GAPVD1: variants seen among roughly 807,000 people sequenced by gnomAD.
The protein encoded by GAPVD1 is GTPase activating protein and VPS9 domains 1, also known as GTPase-activating protein and VPS9 domain-containing protein 1.
GAPVD1 carries 35 observed loss-of-function variants against 155.5 expected under a neutral mutation model. The observed-to-expected ratio is 0.23, with a 90% confidence interval of 0.17 to 0.30. The LOEUF (loss-of-function observed/expected upper bound fraction) is 0.30. Among genes scored for constraint, GAPVD1 ranks in the 10% least tolerant of loss-of-function variants. GAPVD1 has a pLI of 1.00. For missense variants in GAPVD1, 1,429 were observed against 1,775.7 expected, an observed-to-expected ratio of 0.80 and a Z score of 3.51; for synonymous variants, 636 against 619.7, an observed-to-expected ratio of 1.03 and a Z score of -0.39.
At chr9:125,320,686 C>T (rs1438550962) in intron 9 of GAPVD1, among the ~76,000 whole-genome samples, 1 of 151,890 alleles carries the variant, frequency 6.6e-6, no homozygotes, top group Non-Finnish European at 1.5e-5. Context: ...AGTGCAGTGG[C>T]GCGATCTCGG....
chr9:125,274,834 G>A (rs1835504414), intron 2 of GAPVD1, among the ~76,000 whole-genome samples: 2 of 152,156 alleles, frequency 1.3e-5, no homozygotes, highest in African/African-American at 4.8e-5. Context: ...TCTGGTGTAT[G>A]TGTTTGCAGA....
Position 125,277,841 on chromosome 9 carries a change from A to AT in GAPVD1, c.-150+8864dup, listed in dbSNP as rs949427928. On this transcript the variant is annotated intron_variant, in intron 2 of 27. Coordinates refer to ENST00000297933, the MANE Select transcript of GAPVD1 (RefSeq NM_001282680.3). Reference sequence around the variant, plus strand: ...CATGCCACACCCAGCTAATTTTTAAATTTTTTTATAGAAACAGAGTCTCAC... The same window carrying AT: ...CATGCCACACCCAGCTAATTTTTAAATTTTTTTTATAGAAACAGAGTCTCAC... Among the ~76,000 whole-genome samples, 129 of 151,798 alleles carry AT rather than the reference A, an allele frequency of 8.5e-4. 1 individual carries two copies. Among genetic ancestry groups the AT allele is most frequent in the Middle Eastern group, 6.8e-3 (2 of 294 alleles).
At chr9:125,268,205 CA>C (rs1475718333) in intron 1 of GAPVD1, among the ~76,000 whole-genome samples, 180 of 108,150 alleles carry the variant, frequency 1.7e-3, no homozygotes, top group East Asian at 7.2e-3. Flanking sequence ...CCCCCCCCCC[CA>C]AAAAAAAACC....
In GAPVD1 at chr9:125,356,281, T is replaced by A. The variant is rs116488834; in HGVS notation, c.3971+424T>A. Among the ~76,000 whole-genome samples, 756 of 152,332 alleles carry A rather than the reference T, an allele frequency of 5.0e-3. 9 individuals are homozygous for A. The highest frequency in any genetic ancestry group is 0.017 in the African/African-American group (709 of 41,560). ...CCACAGTTGCCATTTGACATCTGTT[T>A]GAGTCATGGTTTCTGAACCCAGCCC... On this transcript the variant is annotated intron_variant, in intron 25 of 27. Coordinates refer to ENST00000297933, the MANE Select transcript of GAPVD1 (RefSeq NM_001282680.3).
intron 1 of GAPVD1, among the ~76,000 whole-genome samples, chr9:125,266,095 G>C (rs1335600711): frequency 1.3e-5 from 2 of 149,900 alleles, no homozygotes; most frequent in Non-Finnish European, 3.0e-5. Flanking sequence ...GATTATGAAT[G>C]GGAGGTAGTG....
At chr9:125,341,046 C>T in intron 17 of GAPVD1, 131 bp from the exon 18 acceptor site, 1 of 663,964 alleles carries the variant, frequency 1.5e-6, no homozygotes, top group Admixed American at 2.2e-5. Context: ...GATTGTGCTA[C>T]TGCACTCCAG....
At chr9:125,264,057 T>C (rs891352380) in intron 1 of GAPVD1, 1 of 975,128 alleles carries the variant, frequency 1.0e-6, no homozygotes, top group Admixed American at 1.7e-5. Context: ...ACTCCCTCCT[T>C]AAAAAGGAGT....
rs181599184 is a variant in GAPVD1, at chr9:125,344,201, T to A, written c.3046+1902T>A. ...AGGAGGAAATTTCCTAGCAGTCTGT[T>A]CATAATTCTGTGACCCTAACTACTG... On this transcript the variant is annotated intron_variant, in intron 19 of 27. Coordinates refer to ENST00000297933, the MANE Select transcript of GAPVD1 (RefSeq NM_001282680.3). Among the ~76,000 whole-genome samples, 215 of 152,318 alleles carry A rather than the reference T, an allele frequency of 1.4e-3. 2 individuals are homozygous for A. In the South Asian group the frequency reaches 0.025, roughly 18 times the overall value.
intron 2 of GAPVD1, among the ~76,000 whole-genome samples, chr9:125,293,741 GT>G (rs1384929260): frequency 1.4e-5 from 1 of 71,594 alleles, no homozygotes; most frequent in Admixed American, 1.4e-4. Flanking sequence ...TATATTTTAT[GT>G]TTTTATAAAA....
chr9:125,294,101 A>C (rs1306359749), intron 2 of GAPVD1, among the ~76,000 whole-genome samples: 1 of 150,572 alleles, frequency 6.6e-6, no homozygotes, highest in African/African-American at 2.4e-5. Context: ...TTAAGTGGAG[A>C]TAGGGTTTCA....
At chr9:125,341,062 G>A (rs1847785504) in intron 17 of GAPVD1, 115 bp from the exon 18 acceptor site, 4 of 702,186 alleles carry the variant, frequency 5.7e-6, no homozygotes, top group Non-Finnish European at 1.0e-5. Context: ...TCCAGCCTGG[G>A]CAACAGAATG....
chr9:125,286,640 A>G (rs1275005806), intron 2 of GAPVD1, among the ~76,000 whole-genome samples: 1 of 152,204 alleles, frequency 6.6e-6, no homozygotes, highest in African/African-American at 2.4e-5. Context: ...ATATTAGCAA[A>G]GATAAAATAT....
chr9:125,335,961 T>A (rs983126743), intron 15 of GAPVD1, among the ~76,000 whole-genome samples: 2 of 151,844 alleles, frequency 1.3e-5, no homozygotes, highest in African/African-American at 4.8e-5. Flanking sequence ...AAGACCAGCC[T>A]GGGCAACATG....
intron 9 of GAPVD1, among the ~76,000 whole-genome samples, chr9:125,313,954 C>T (rs917704324): frequency 6.6e-6 from 1 of 152,198 alleles, no homozygotes; most frequent in Admixed American, 6.5e-5. Flanking sequence ...CCATGACACA[C>T]CATCACATGC....
chr9:125,286,250 A>G, intron 2 of GAPVD1, among the ~76,000 whole-genome samples: 1 of 152,176 alleles, frequency 6.6e-6, no homozygotes, highest in Non-Finnish European at 1.5e-5. Context: ...AGCAGCTGAG[A>G]TAACAGCTGT....
chr9:125,336,815 A>G, intron 15 of GAPVD1: 1 of 552,118 alleles, frequency 1.8e-6, no homozygotes, highest in Non-Finnish European at 3.2e-6. Flanking sequence ...TTAAATGTAA[A>G]GAAAATCTGT....
chr9:125,280,199 C>T (rs1020632654), intron 2 of GAPVD1, among the ~76,000 whole-genome samples: 13 of 151,048 alleles, frequency 8.6e-5, no homozygotes, highest in African/African-American at 3.1e-4. Flanking sequence ...GAGTTCAAGA[C>T]CAGCCTGACC....
At chr9:125,331,588 A>T (rs532352673) in intron 13 of GAPVD1, among the ~76,000 whole-genome samples, 1 of 152,328 alleles carries the variant, frequency 6.6e-6, no homozygotes, top group Admixed American at 6.5e-5. Context: ...GCTGTTGAGT[A>T]TTCATAGGAG....
chr9:125,332,540 A>G lies in GAPVD1; in HGVS notation c.2339A>G (p.Asn780Ser), dbSNP rs1173617479. 3.7e-6 allele frequency: 6 copies of G among 1,607,312 alleles called. No individual in the cohort carries two copies. Among genetic ancestry groups the G allele is most frequent in the South Asian group, 1.1e-5 (1 of 90,636 alleles). Reference sequence around the variant, plus strand: ...AGTGCAACCTCTGAGGATATTCCCAATAAGATTGAAGACCTGAGATCTGAG... The same window carrying G: ...AGTGCAACCTCTGAGGATATTCCCAGTAAGATTGAAGACCTGAGATCTGAG... ...GISATSEDIP[N>S]KIEDLRSECS... The change falls in exon 15 of 28, where the codon AAT becomes AGT. Residue 780 changes from asparagine (N) to serine (S), a missense_variant. By Grantham distance (46) the Asn-to-Ser change is conservative. Around this residue, in one of 4 missense-constraint regions of GAPVD1, gnomAD observed 699 missense variants for 826.0 expected, o/e 0.85. Coordinates refer to ENST00000297933, the MANE Select transcript of GAPVD1 (RefSeq NM_001282680.3).
Sources: gnomAD v4.1 joint callset for allele counts (sites outside exome capture counted in the v4.1 genomes callset) on GRCh38, gnomAD v4.1.1 for gene constraint, gnomAD v4.1.1 regional missense constraint, MANE v1.5 for transcripts, NCBI Gene and HGNC (gene_info 2026-07-23, HGNC 2026-07-21) for gene names.